Variants in CD226 observed in about 807,000 individuals in gnomAD.
CD226 encodes the protein CD226 antigen.
A neutral mutation model predicts 34.9 loss-of-function variants in CD226; 24 were observed. The ratio of observed to expected loss-of-function variants is 0.69; its 90% CI spans 0.50 to 0.97. CD226 has a LOEUF of 0.97. Ranked by LOEUF, CD226 falls within the 50% of genes least tolerant of loss-of-function variation. The probability of loss-of-function intolerance (pLI) is 0.00; values close to 1 mark genes in which losing one functional copy is unlikely to be tolerated. For missense variants in CD226, 397 were observed against 412.7 expected, an observed-to-expected ratio of 0.96 and a Z score of 0.33; for synonymous variants, 148 against 147.4, an observed-to-expected ratio of 1.00 and a Z score of -0.03.
In CD226 at chr18:69,853,766, T is replaced by A. The variant is rs1568146992; in HGVS notation, c.*10548A>T. 1 of 152,200 alleles carries A rather than the reference T, an allele frequency of 6.6e-6. No homozygotes were observed. The highest frequency in any genetic ancestry group is 1.5e-5 in the Non-Finnish European group (1 of 68,034). The allele number at this position is 152,200 out of a possible 1,614,324, so 9.4% of individuals were successfully genotyped here. A position where few individuals can be genotyped will look rare whatever the true frequency, so the allele number is the denominator to read the frequency against. On this transcript the variant is annotated 3_prime_UTR_variant, in exon 6 of 6. Coordinates refer to ENST00000582621, the MANE Select transcript of CD226 (RefSeq NM_001303618.2). Reference sequence around the variant, plus strand: ...GTGCTACAAATTTTCCTTATTACCTTTTGCCTCTGGACTTGAATATTTGTA... The same window carrying A: ...GTGCTACAAATTTTCCTTATTACCTATTGCCTCTGGACTTGAATATTTGTA...
intron 3 of CD226, among the ~76,000 whole-genome samples, chr18:69,888,323 C>T (rs555126105): frequency 7.9e-5 from 12 of 151,838 alleles, no homozygotes; most frequent in African/African-American, 2.9e-4. Flanking sequence ...ATTCCATATA[C>T]GACAATAAAG....
At chr18:69,907,061 T>C (rs112380966) in intron 2 of CD226, among the ~76,000 whole-genome samples, 1 of 152,306 alleles carries the variant, frequency 6.6e-6, no homozygotes, top group Middle Eastern at 3.4e-3. Flanking sequence ...TTGCTTTTCC[T>C]GACCAGGCAG....
intron 3 of CD226, among the ~76,000 whole-genome samples, chr18:69,890,909 C>A (rs527247135): frequency 6.6e-6 from 1 of 150,882 alleles, no homozygotes; most frequent in Non-Finnish European, 1.5e-5. Context: ...TCTACATTAT[C>A]ATGTGTAATC....
chr18:69,881,704 C>T (rs1487998170), intron 3 of CD226, among the ~76,000 whole-genome samples: 4 of 151,994 alleles, frequency 2.6e-5, no homozygotes, highest in Non-Finnish European at 4.4e-5. Flanking sequence ...TTGAAGTAGT[C>T]GTGTACAGCA....
At chr18:69,947,322 A>G in intron 1 of CD226, 39 bp downstream of exon 1, 1 of 1,360,642 alleles carries the variant, frequency 7.3e-7, no homozygotes, top group Admixed American at 2.2e-5. Flanking sequence ...CAAAAACAGG[A>G]GCAAAACTTT....
At chr18:69,954,245 G>A (rs1212823984) in intron 1 of CD226, among the ~76,000 whole-genome samples, 6 of 152,074 alleles carry the variant, frequency 3.9e-5, no homozygotes, top group Admixed American at 3.3e-4. Flanking sequence ...CAGTACATTA[G>A]CATAGTACAG....
At position 69,902,274 on chromosome 18, in the gene CD226, C is replaced by G. The variant is rs76427085; in HGVS notation, c.383-6229G>C. On this transcript the variant is annotated intron_variant, in intron 2 of 5. Coordinates refer to ENST00000582621, the MANE Select transcript of CD226 (RefSeq NM_001303618.2). Reference sequence around the variant, plus strand: ...CCAACTTTGGACCTTTTGGCGCCATCCAGTCCTTGTTTCTTCTTCCCTATT... The same window carrying G: ...CCAACTTTGGACCTTTTGGCGCCATGCAGTCCTTGTTTCTTCTTCCCTATT... 1.4e-3 allele frequency among the ~76,000 whole-genome samples: 208 copies of G among 152,240 alleles called. 1 individual carries two copies. Among genetic ancestry groups the G allele is most frequent in the African/African-American group, 4.8e-3 (200 of 41,560 alleles).
At chr18:69,897,757 A>G (rs1183765213) in intron 2 of CD226, among the ~76,000 whole-genome samples, 2 of 152,234 alleles carry the variant, frequency 1.3e-5, no homozygotes, top group African/African-American at 4.8e-5. Flanking sequence ...AGAGAGAATG[A>G]AAGCAAGTCT....
chr18:69,936,110 A>T (rs1215292382), intron 2 of CD226, among the ~76,000 whole-genome samples: 1 of 152,102 alleles, frequency 6.6e-6, no homozygotes, highest in Non-Finnish European at 1.5e-5. Context: ...AATCCCCAAA[A>T]ATCCAAGCCT....
intron 2 of CD226, among the ~76,000 whole-genome samples, chr18:69,898,043 T>C (rs921230180): frequency 1.3e-5 from 2 of 149,248 alleles, no homozygotes; most frequent in East Asian, 3.9e-4. Context: ...AGAAAATTCA[T>C]TAAAAAAGGG....
At chr18:69,948,624 T>C (rs1045824526), upstream of CD226, among the ~76,000 whole-genome samples, 8 of 152,246 alleles carry the variant, frequency 5.3e-5, no homozygotes, top group Non-Finnish European at 7.3e-5. Flanking sequence ...TAATCAAGCA[T>C]GGTGTCACCT....
chr18:69,877,555 GTGGGATC>G (rs1983953726), intron 3 of CD226, among the ~76,000 whole-genome samples: 1 of 152,180 alleles, frequency 6.6e-6, no homozygotes, highest in Admixed American at 6.5e-5. Flanking sequence ...TAGATATGGG[GTGGGATC>G]CTCTCTGGAA....
At chr18:69,908,865 A>T (rs1406491980) in intron 2 of CD226, among the ~76,000 whole-genome samples, 1 of 152,208 alleles carries the variant, frequency 6.6e-6, no homozygotes, top group African/African-American at 2.4e-5. Flanking sequence ...TGCATCAGCT[A>T]TCTCTTCTTC....
At position 69,854,551 on chromosome 18, in the gene CD226, A is replaced by T. The variant is rs1438132208; in HGVS notation, c.*9763T>A. 2.0e-5 allele frequency: 3 copies of T among 152,268 alleles called. No homozygotes were observed. The highest frequency in any genetic ancestry group is 4.8e-5 in the African/African-American group (2 of 41,456). 9.4% of individuals were successfully genotyped at this position (152,268 alleles called of 1,614,324 possible). A position where few individuals can be genotyped will look rare whatever the true frequency, so the allele number is the denominator to read the frequency against. On this transcript the variant is annotated 3_prime_UTR_variant, in exon 6 of 6. Transcript: ENST00000582621. ...GAAATAAGCCATGAACCTTCTTGGT[A>T]ACAAAGATGGAAAGGACTCTGCCAA...
At chr18:69,877,455 C>T (rs1005556821) in intron 3 of CD226, among the ~76,000 whole-genome samples, 1 of 152,166 alleles carries the variant, frequency 6.6e-6, no homozygotes, top group Non-Finnish European at 1.5e-5. Flanking sequence ...TTTATGGAGG[C>T]TTCATTACGT....
chr18:69,935,157 A>G (rs1188807735), intron 2 of CD226, among the ~76,000 whole-genome samples: 3 of 152,218 alleles, frequency 2.0e-5, no homozygotes, highest in Non-Finnish European at 4.4e-5. Flanking sequence ...GAGCTTTTGG[A>G]CTTTCTTCAG....
At chr18:69,920,216 T>C (rs1363303500) in intron 2 of CD226, among the ~76,000 whole-genome samples, 1 of 152,160 alleles carries the variant, frequency 6.6e-6, no homozygotes, top group African/African-American at 2.4e-5. Flanking sequence ...CAGGAAAAAC[T>C]GAAGATATTT....
chr18:69,876,887 G>C (rs1328685428), intron 3 of CD226, among the ~76,000 whole-genome samples: 40 of 126,720 alleles, frequency 3.2e-4, no homozygotes, highest in African/African-American at 1.2e-3. Context: ...TTTTTGAGAC[G>C]GAGTCTCGCT....
chr18:69,888,264 A>C (rs1984677883), intron 3 of CD226, among the ~76,000 whole-genome samples: 1 of 152,204 alleles, frequency 6.6e-6, no homozygotes, highest in South Asian at 2.1e-4. Flanking sequence ...TAAGGCTCTA[A>C]GAGACAACCT....
Sources: allele counts gnomAD v4.1 joint callset (sites outside exome capture counted in the v4.1 genomes callset), GRCh38; gene constraint gnomAD v4.1.1; transcripts MANE v1.5; gene names NCBI Gene and HGNC (gene_info 2026-07-23, HGNC 2026-07-21).